Variants in AGBL4 observed in about 807,000 individuals in gnomAD.
AGBL4 encodes AGBL carboxypeptidase 4, also known as cytosolic carboxypeptidase 6.
In AGBL4, 58 loss-of-function variants were observed where a neutral mutation model predicts 66.4. The ratio of observed to expected loss-of-function variants is 0.87; its 90% CI spans 0.71 to 1.09. AGBL4 has a LOEUF of 1.09. Among genes scored for constraint, AGBL4 ranks in the 50% least tolerant of loss-of-function variants. The probability of loss-of-function intolerance (pLI) is 0.00; values close to 1 mark genes in which losing one functional copy is unlikely to be tolerated. For synonymous variants in AGBL4, 234 were observed against 222.9 expected, an observed-to-expected ratio of 1.05 and a Z score of -0.44; for missense variants, 579 against 631.0, an observed-to-expected ratio of 0.92 and a Z score of 0.88.
At chr1:49,128,901 T>G (rs1163025668) in intron 4 of AGBL4, among the ~76,000 whole-genome samples, 2 of 151,824 alleles carry the variant, frequency 1.3e-5, no homozygotes, top group Non-Finnish European at 2.9e-5. Flanking sequence ...GTCTGATTTT[T>G]GAAAAAAATT....
At chr1:49,202,059 A>G (rs1045398521) in intron 4 of AGBL4, among the ~76,000 whole-genome samples, 3 of 152,162 alleles carry the variant, frequency 2.0e-5, no homozygotes, top group African/African-American at 7.2e-5. Flanking sequence ...TATCCATCAA[A>G]GGGCTCTCCT....
chr1:49,780,569 T>C (rs1292175139), intron 2 of AGBL4, among the ~76,000 whole-genome samples: 1 of 151,958 alleles, frequency 6.6e-6, no homozygotes, highest in Non-Finnish European at 1.5e-5. Context: ...CTGTGAGATA[T>C]ACTATGATTT....
chr1:49,345,241 A>T (rs1408813038), intron 3 of AGBL4, among the ~76,000 whole-genome samples: 1 of 152,074 alleles, frequency 6.6e-6, no homozygotes, highest in Admixed American at 6.5e-5. Flanking sequence ...TCTAATATGG[A>T]TTTAGTGTAC....
intron 1 of AGBL4, among the ~76,000 whole-genome samples, chr1:49,960,438 G>A (rs1657024616): frequency 6.6e-6 from 1 of 151,898 alleles, no homozygotes; most frequent in African/African-American, 2.4e-5. Context: ...GGGGAGAGAT[G>A]GGAGAGATTT....
chr1:49,139,138 C>T (rs758059264), intron 4 of AGBL4, among the ~76,000 whole-genome samples: 3 of 152,092 alleles, frequency 2.0e-5, no homozygotes, highest in Non-Finnish European at 2.9e-5. Flanking sequence ...CACCTCCTAC[C>T]AGGCCACTCC....
intron 5 of AGBL4, among the ~76,000 whole-genome samples, chr1:48,876,254 C>T (rs1649211929): frequency 6.6e-6 from 1 of 152,142 alleles, no homozygotes; most frequent in African/African-American, 2.4e-5. Flanking sequence ...ACAGAAACCT[C>T]GATCAAGTTC....
chr1:49,648,816 T>C (rs1467239528), intron 3 of AGBL4, among the ~76,000 whole-genome samples: 3 of 151,750 alleles, frequency 2.0e-5, no homozygotes, highest in East Asian at 1.9e-4. Context: ...AAGGAATCTG[T>C]AGCCAGTAGA....
chr1:49,238,657 G>A (rs757137378), intron 4 of AGBL4, among the ~76,000 whole-genome samples: 7 of 152,220 alleles, frequency 4.6e-5, no homozygotes, highest in Non-Finnish European at 1.0e-4. Context: ...CTTTGTTGGT[G>A]AAAGTAGAAA....
At chr1:49,283,099 C>T (rs1019900071) in intron 3 of AGBL4, among the ~76,000 whole-genome samples, 1 of 152,228 alleles carries the variant, frequency 6.6e-6, no homozygotes, top group Non-Finnish European at 1.5e-5. Context: ...CAGCACTAAC[C>T]TCTGCAGACT....
chr1:48,703,994 A>G (rs1256705407), intron 6 of AGBL4, among the ~76,000 whole-genome samples: 1 of 152,224 alleles, frequency 6.6e-6, no homozygotes, highest in Non-Finnish European at 1.5e-5. Context: ...ACAAACCTAG[A>G]TGGTATACAC....
chr1:48,798,967 G>GT (rs1645751901), intron 6 of AGBL4, among the ~76,000 whole-genome samples: 1 of 152,042 alleles, frequency 6.6e-6, no homozygotes, highest in Non-Finnish European at 1.5e-5. Context: ...CTCCAGATTT[G>GT]TTTTTTGCTT....
At chr1:49,207,685 G>A (rs574933535) in intron 4 of AGBL4, among the ~76,000 whole-genome samples, 5 of 150,648 alleles carry the variant, frequency 3.3e-5, no homozygotes, top group African/African-American at 7.3e-5. Context: ...TTGACTTCCC[G>A]GGGTCCAGTG....
intron 6 of AGBL4, among the ~76,000 whole-genome samples, chr1:48,681,617 T>A (rs142303736): frequency 2.0e-5 from 3 of 152,304 alleles, no homozygotes; most frequent in African/African-American, 7.2e-5. Context: ...AAGTCCTTGA[T>A]GGAATCAGCC....
At chr1:49,487,697 G>T (rs1647099025) in intron 3 of AGBL4, among the ~76,000 whole-genome samples, 2 of 151,862 alleles carry the variant, frequency 1.3e-5, no homozygotes, top group African/African-American at 4.8e-5. Flanking sequence ...ACCCAGTGTT[G>T]AGTATTTCTT....
chr1:49,385,401 T>C (rs139229521), intron 3 of AGBL4, among the ~76,000 whole-genome samples: 35 of 152,148 alleles, frequency 2.3e-4, no homozygotes, highest in South Asian at 6.2e-4. Flanking sequence ...TCAAACTCTC[T>C]AAGATGTATC....
chr1:48,697,697 T>C (rs1489276698), intron 6 of AGBL4, among the ~76,000 whole-genome samples: 2 of 152,192 alleles, frequency 1.3e-5, no homozygotes, highest in Non-Finnish European at 2.9e-5. Context: ...TCACACTATG[T>C]AACCATTCAC....
intron 3 of AGBL4, among the ~76,000 whole-genome samples, chr1:49,418,551 A>G (rs1164486823): frequency 6.6e-6 from 1 of 152,230 alleles, no homozygotes; most frequent in East Asian, 1.9e-4. Context: ...ACAAAAAACC[A>G]AGACTCAGTG....
intron 6 of AGBL4, among the ~76,000 whole-genome samples, chr1:48,811,119 G>C (rs1646039015): frequency 6.9e-6 from 1 of 145,716 alleles, no homozygotes; most frequent in Admixed American, 7.1e-5. Flanking sequence ...CAACAGATGG[G>C]ACACAATAGG....
chr1:49,547,760 T>C (rs1652609269), intron 3 of AGBL4, among the ~76,000 whole-genome samples: 1 of 151,726 alleles, frequency 6.6e-6, no homozygotes, highest in African/African-American at 2.4e-5. Context: ...GCAGCTATTG[T>C]AAAAGGGGTT....
Sources: allele counts gnomAD v4.1 joint callset (sites outside exome capture counted in the v4.1 genomes callset), GRCh38; gene constraint gnomAD v4.1.1; transcripts MANE v1.5; gene names NCBI Gene and HGNC (gene_info 2026-07-23, HGNC 2026-07-21).